Variants in FBN2 observed in about 807,000 individuals in gnomAD.
The protein encoded by FBN2 is fibrillin-2.
In FBN2, 105 loss-of-function variants were observed where a neutral mutation model predicts 355.6. The ratio of observed to expected loss-of-function variants is 0.30; its 90% CI spans 0.25 to 0.35. The LOEUF is 0.35. FBN2 is among the 10% of genes least tolerant of loss of function. The pLI is 1.00. For synonymous variants in FBN2, 1,350 were observed against 1,301.2 expected, an observed-to-expected ratio of 1.04 and a Z score of -0.81; for missense variants, 3,280 against 3,758.7, an observed-to-expected ratio of 0.87 and a Z score of 3.33.
chr5:128,427,640 G>C (rs1753516392), intron 7 of FBN2, among the ~76,000 whole-genome samples: 1 of 152,158 alleles, frequency 6.6e-6, no homozygotes, highest in Non-Finnish European at 1.5e-5. Flanking sequence ...TCTACCTATG[G>C]TCTGTAAGCC....
intron 5 of FBN2, among the ~76,000 whole-genome samples, chr5:128,499,555 T>C (rs573857553): frequency 2.8e-4 from 42 of 152,244 alleles, no homozygotes; most frequent in African/African-American, 8.7e-4. Flanking sequence ...GCAACAATGG[T>C]TGCAAATCAC....
chr5:128,287,322 T>C lies in FBN2; in HGVS notation c.6866A>G (p.Gln2289Arg). 6.2e-7 allele frequency: 1 copy of C among 1,614,006 alleles called. No homozygotes were observed. The highest frequency in any genetic ancestry group is 8.5e-7 in the Non-Finnish European group (1 of 1,179,890). The change falls in exon 54 of 65, where the codon CAA becomes CGA. Residue 2289 changes from glutamine (Q) to arginine (R), a missense_variant. Coordinates refer to ENST00000262464, the MANE Select transcript of FBN2 (RefSeq NM_001999.4). ...CPIGYALRED[Q>R]KMCKDLDECA... ...TGAGGCCTTACCTTTGCACATCTTT[T>C]GATCTTCCCTGAGGGCATAGCCAAT...
intron 48 of FBN2, among the ~76,000 whole-genome samples, chr5:128,296,434 C>A (rs1291667179): frequency 2.0e-5 from 3 of 151,798 alleles, no homozygotes; most frequent in Admixed American, 6.6e-5. Flanking sequence ...CCTTGTACCT[C>A]TGGTAGAATT....
intron 20 of FBN2, among the ~76,000 whole-genome samples, chr5:128,351,872 T>C (rs1281736889): frequency 6.6e-6 from 1 of 151,678 alleles, no homozygotes; most frequent in Admixed American, 6.6e-5. Flanking sequence ...CGCCCTTCTT[T>C]TTTTTTTTCT....
At chr5:128,356,615 C>T (rs1185618058) in intron 20 of FBN2, among the ~76,000 whole-genome samples, 2 of 152,208 alleles carry the variant, frequency 1.3e-5, no homozygotes, top group Non-Finnish European at 2.9e-5. Flanking sequence ...GTTTTGTTCC[C>T]TTTTACGTGC....
chr5:128,524,455 C>A (rs1213129099), intron 4 of FBN2, among the ~76,000 whole-genome samples: 3 of 152,116 alleles, frequency 2.0e-5, no homozygotes, highest in East Asian at 3.9e-4. Flanking sequence ...TATTATCTTA[C>A]CTATTCACAG....
At chr5:128,345,772 A>G (rs1426482677) in intron 23 of FBN2, among the ~76,000 whole-genome samples, 188 bp from the exon 24 acceptor site, 1 of 152,196 alleles carries the variant, frequency 6.6e-6, no homozygotes, top group Non-Finnish European at 1.5e-5. Flanking sequence ...CAAAGGTGAG[A>G]TCCTCTTCAG....
intron 20 of FBN2, among the ~76,000 whole-genome samples, chr5:128,354,011 C>A (rs1751437939): frequency 6.6e-6 from 1 of 152,176 alleles, no homozygotes; most frequent in African/African-American, 2.4e-5. Context: ...CCCACTGACC[C>A]ACTGTTGTGT....
intron 5 of FBN2, among the ~76,000 whole-genome samples, chr5:128,481,496 T>C (rs1486569691): frequency 1.3e-5 from 2 of 152,134 alleles, no homozygotes; most frequent in Non-Finnish European, 2.9e-5. Flanking sequence ...GTATGTGAAC[T>C]TATGGGAGAG....
chr5:128,367,699 C>T (rs1014962788), intron 16 of FBN2, among the ~76,000 whole-genome samples: 2 of 151,926 alleles, frequency 1.3e-5, no homozygotes, highest in Non-Finnish European at 2.9e-5. Context: ...TTCCTTGCTG[C>T]TCCAAAATGC....
At chr5:128,474,665 T>A (rs1754961649) in intron 5 of FBN2, among the ~76,000 whole-genome samples, 5 of 152,188 alleles carry the variant, frequency 3.3e-5, no homozygotes, top group Admixed American at 3.3e-4. Context: ...AATCAATGCC[T>A]CCTGAGTGAT....
chr5:128,446,342 C>G, intron 7 of FBN2, 139 bp downstream of exon 7: 1 of 898,438 alleles, frequency 1.1e-6, no homozygotes, highest in Non-Finnish European at 1.8e-6. Flanking sequence ...CACAGAACTA[C>G]TCTAGGCTTA....
intron 6 of FBN2, among the ~76,000 whole-genome samples, chr5:128,458,868 C>T (rs1463237160): frequency 6.6e-6 from 1 of 151,940 alleles, no homozygotes; most frequent in Non-Finnish European, 1.5e-5. Flanking sequence ...AATCGACACC[C>T]TAACATCACA....
At chr5:128,369,362 G>A (rs1200316214) in intron 15 of FBN2, 28 bp from the exon 16 acceptor site, 23 of 1,612,864 alleles carry the variant, frequency 1.4e-5, no homozygotes, top group Non-Finnish European at 2.0e-5. Flanking sequence ...ACAATGACTT[G>A]AGGCAGTGAT....
intron 5 of FBN2, among the ~76,000 whole-genome samples, chr5:128,507,325 G>A (rs1755989392): frequency 6.6e-6 from 1 of 151,964 alleles, no homozygotes; most frequent in Non-Finnish European, 1.5e-5. Flanking sequence ...GATGCCCAGA[G>A]ATACCGAAAT....
rs1259151520 is a variant in FBN2, at chr5:128,395,127, C to T, written c.1226G>A (p.Gly409Asp). 2 of 1,614,132 alleles carry T rather than the reference C, an allele frequency of 1.2e-6. No homozygotes were observed. Among genetic ancestry groups the T allele is most frequent in the Admixed American group, 3.3e-5 (2 of 60,024 alleles). Residue 409 changes from glycine to aspartate, a missense_variant, in exon 9 of 65, where the codon GGT (glycine) becomes GAT (aspartate). Physicochemically the swap from Gly to Asp is moderately conservative, Grantham distance 94. This residue lies in a region of FBN2 where 343 missense variants were observed against 331.0 expected (regional missense o/e 1.04). Transcript: ENST00000262464. The part of the protein sequence containing the change: ...GTIPEACPVR[G>D]SEEYRRLCMD... ...ACTAACAGCCAGCCACGTACCAGAA[C>T]CTCTGACAGGACAGGCTTCAGGAAT... is the stretch of plus-strand genomic sequence containing the variant.
intron 7 of FBN2, among the ~76,000 whole-genome samples, chr5:128,415,715 T>C (rs193030792): frequency 5.9e-5 from 9 of 152,286 alleles, no homozygotes; most frequent in Admixed American, 2.0e-4. Context: ...GAATAAATGC[T>C]ATGTAGTGGA....
chr5:128,318,866 T>C lies in FBN2; in HGVS notation c.4594+13A>G. 2 of 1,611,030 alleles carry C rather than the reference T, an allele frequency of 1.2e-6. No homozygotes were observed. Among genetic ancestry groups the C allele is most frequent in the Non-Finnish European group, 1.7e-6 (2 of 1,177,630 alleles). On this transcript the variant is annotated intron_variant, in intron 35 of 64. Transcript: ENST00000262464. The stretch of plus-strand genomic sequence containing the variant: ...ATGAATCAGAACACAACTTAGCTGG[T>C]AACTGACCATACCTGTACAGTTCCC...
chr5:128,296,492 T>G lies in FBN2; in HGVS notation c.6166+4325A>C, dbSNP rs908882437. 2.6e-5 allele frequency among the ~76,000 whole-genome samples: 4 copies of G among 152,138 alleles called. No homozygotes were observed. In the East Asian group the frequency reaches 7.7e-4, roughly 29 times the overall value. On this transcript the variant is annotated intron_variant, in intron 48 of 64. Transcript: ENST00000262464. ...TGGACTCTTTTTGGTTGGTAAGCTA[T>G]TGATTATTGCCACAATTTCAGAACC...
Sources: allele counts gnomAD v4.1 joint callset (sites outside exome capture counted in the v4.1 genomes callset), GRCh38; gene constraint gnomAD v4.1.1; regional missense constraint gnomAD v4.1.1; transcripts MANE v1.5; gene names NCBI Gene and HGNC (gene_info 2026-07-23, HGNC 2026-07-21).